Variants in CNTNAP4 observed in about 807,000 individuals in gnomAD.
CNTNAP4 encodes contactin-associated protein-like 4.
A neutral mutation model predicts 148.4 loss-of-function variants in CNTNAP4; 98 were observed. The observed-to-expected ratio is 0.66, with a 90% CI of 0.56 to 0.78. The LOEUF is 0.78. CNTNAP4 is among the 30% of genes least tolerant of loss of function. CNTNAP4 has a pLI of 0.00. For synonymous variants in CNTNAP4, 730 were observed against 565.1 expected, an observed-to-expected ratio of 1.29 and a Z score of -4.14; for missense variants, 1,935 against 1,565.6, an observed-to-expected ratio of 1.24 and a Z score of -3.98.
chr16:76,552,027 G>A (rs2084972228), intron 21 of CNTNAP4, among the ~76,000 whole-genome samples: 1 of 152,180 alleles, frequency 6.6e-6, no homozygotes, highest in African/African-American at 2.4e-5. Flanking sequence ...GTTCCACATG[G>A]CTGGGAGGCC....
intron 14 of CNTNAP4, chr16:76,495,299 C>A: frequency 3.4e-6 from 1 of 295,442 alleles, no homozygotes; most frequent in Non-Finnish European, 6.2e-6. Flanking sequence ...ATTTTATAAT[C>A]AAACAGAGAC....
intron 3 of CNTNAP4, among the ~76,000 whole-genome samples, chr16:76,384,250 G>T (rs1221600909): frequency 2.0e-5 from 3 of 151,948 alleles, no homozygotes; most frequent in African/African-American, 7.3e-5. Context: ...CACTATGTTG[G>T]TCAGGTTGGT....
At chr16:76,402,772 C>G (rs542731756) in intron 3 of CNTNAP4, among the ~76,000 whole-genome samples, 1 of 152,212 alleles carries the variant, frequency 6.6e-6, no homozygotes, top group South Asian at 2.1e-4. Context: ...CAAAGAACTT[C>G]TTGATTTCAG....
chr16:76,367,502 C>A (rs2014287311), intron 3 of CNTNAP4, among the ~76,000 whole-genome samples: 1 of 152,134 alleles, frequency 6.6e-6, no homozygotes, highest in South Asian at 2.1e-4. Flanking sequence ...ATATTTTTAG[C>A]CTATATGATA....
At chr16:76,429,012 C>T (rs1369343978) in intron 4 of CNTNAP4, among the ~76,000 whole-genome samples, 2 of 152,088 alleles carry the variant, frequency 1.3e-5, no homozygotes, top group African/African-American at 4.8e-5. Flanking sequence ...TGCCAAACTC[C>T]AGAAAGCAAG....
chr16:76,519,156 T>A (rs1397560444), intron 15 of CNTNAP4, among the ~76,000 whole-genome samples: 6 of 152,194 alleles, frequency 3.9e-5, no homozygotes, highest in Non-Finnish European at 8.8e-5. Flanking sequence ...AGCAGCAATT[T>A]CTTAACCCAA....
intron 5 of CNTNAP4, among the ~76,000 whole-genome samples, chr16:76,448,438 G>A (rs1256204752): frequency 6.6e-6 from 1 of 151,956 alleles, no homozygotes; most frequent in Non-Finnish European, 1.5e-5. Flanking sequence ...GAACCATATA[G>A]CTATTTTCTA....
chr16:76,433,578 G>A (rs12922927), intron 4 of CNTNAP4, among the ~76,000 whole-genome samples: 97,089 of 151,908 alleles, frequency 0.64, 32,432 homozygotes, highest in African/African-American at 0.84. Context: ...AAAAAGTACT[G>A]TAAAAGCACA....
intron 2 of CNTNAP4, among the ~76,000 whole-genome samples, chr16:76,334,020 A>G (rs1597228243): frequency 6.6e-6 from 1 of 150,982 alleles, no homozygotes; most frequent in African/African-American, 2.4e-5. Flanking sequence ...GATGATGAGC[A>G]TTTTTTCATG....
At chr16:76,439,633 A>C (rs114773480) in intron 4 of CNTNAP4, among the ~76,000 whole-genome samples, 2 of 152,186 alleles carry the variant, frequency 1.3e-5, no homozygotes, top group African/African-American at 4.8e-5. Context: ...GACAAAAATT[A>C]AGTGAGAATG....
chr16:76,309,925 C>A, intron 1 of CNTNAP4: 1 of 701,652 alleles, frequency 1.4e-6, no homozygotes, highest in South Asian at 1.5e-5. Flanking sequence ...GGTTAAGTCT[C>A]TTTTTCTTCC....
chr16:76,384,416 A>C (rs141558460), intron 3 of CNTNAP4, among the ~76,000 whole-genome samples: 1 of 152,142 alleles, frequency 6.6e-6, no homozygotes, highest in Admixed American at 6.5e-5. Flanking sequence ...CATGAGGACC[A>C]AGCTGAATAA....
At chr16:76,430,482 G>C (rs1188563992) in intron 4 of CNTNAP4, among the ~76,000 whole-genome samples, 2 of 152,176 alleles carry the variant, frequency 1.3e-5, no homozygotes, top group African/African-American at 4.8e-5. Flanking sequence ...CCCAAGATCA[G>C]ATTGGATTTT....
chr16:76,316,826 C>T (rs923639978), intron 2 of CNTNAP4, among the ~76,000 whole-genome samples: 2 of 152,106 alleles, frequency 1.3e-5, no homozygotes, highest in African/African-American at 4.8e-5. Flanking sequence ...CCTTAATTGG[C>T]CTTCAGTTTC....
intron 3 of CNTNAP4, among the ~76,000 whole-genome samples, chr16:76,372,107 G>A (rs986729441): frequency 6.8e-6 from 1 of 147,964 alleles, no homozygotes; most frequent in African/African-American, 2.5e-5. Context: ...CTACTTATAT[G>A]TTGGCTGATA....
At chr16:76,291,854 A>T (rs1310173168) in intron 1 of CNTNAP4, among the ~76,000 whole-genome samples, 2 of 152,180 alleles carry the variant, frequency 1.3e-5, no homozygotes, top group Non-Finnish European at 2.9e-5. Flanking sequence ...GCCATACATT[A>T]TTTCAGTCAA....
At chr16:76,296,168 G>T (rs1446930011) in intron 1 of CNTNAP4, among the ~76,000 whole-genome samples, 1 of 152,110 alleles carries the variant, frequency 6.6e-6, no homozygotes, top group Non-Finnish European at 1.5e-5. Flanking sequence ...GATACAAAAT[G>T]TTTTCTAACA....
intron 17 of CNTNAP4, among the ~76,000 whole-genome samples, chr16:76,527,499 G>A (rs1749676473): frequency 6.6e-6 from 1 of 152,098 alleles, no homozygotes; most frequent in Non-Finnish European, 1.5e-5. Context: ...AGCATTTTCG[G>A]TGTGCATATC....
intron 2 of CNTNAP4, among the ~76,000 whole-genome samples, chr16:76,353,424 G>T (rs1405253600): frequency 6.6e-6 from 1 of 152,144 alleles, no homozygotes; most frequent in African/African-American, 2.4e-5. Context: ...TTTTTAAAAT[G>T]CTGCTTTGAC....
Sources: gnomAD v4.1 joint callset for allele counts (sites outside exome capture counted in the v4.1 genomes callset) on GRCh38, gnomAD v4.1.1 for gene constraint, MANE v1.5 for transcripts, NCBI Gene and HGNC (gene_info 2026-07-23, HGNC 2026-07-21) for gene names.